The following MITF variants were observed in gnomAD, a reference collection of about 807,000 sequenced individuals.
MITF encodes melanocyte inducing transcription factor.
Under a neutral mutation model 60.5 loss-of-function variants are expected in MITF, and 17 were observed. The ratio of observed to expected loss-of-function variants is 0.28; its 90% CI spans 0.19 to 0.42. The LOEUF is 0.42. Ranked by LOEUF, MITF falls within the 10% of genes least tolerant of loss-of-function variation. The probability of loss-of-function intolerance (pLI) is 1.00; values close to 1 mark genes in which losing one functional copy is unlikely to be tolerated. For synonymous variants in MITF, 260 were observed against 248.5 expected, an observed-to-expected ratio of 1.05 and a Z score of -0.43; for missense variants, 622 against 683.5, an observed-to-expected ratio of 0.91 and a Z score of 1.00.
chr3:69,891,441 C>G (rs2064757144), intron 2 of MITF, among the ~76,000 whole-genome samples: 1 of 152,146 alleles, frequency 6.6e-6, no homozygotes, highest in South Asian at 2.1e-4. Context: ...TGCTCTGGAA[C>G]CTGTAGCCAC....
At chr3:69,953,954 C>T (rs1291654513) in intron 7 of MITF, among the ~76,000 whole-genome samples, 1 of 152,032 alleles carries the variant, frequency 6.6e-6, no homozygotes. Flanking sequence ...GCTTGGGAGA[C>T]AATCTAGACA....
At chr3:69,931,315 C>T (rs2065717496) in intron 2 of MITF, among the ~76,000 whole-genome samples, 1 of 152,000 alleles carries the variant, frequency 6.6e-6, no homozygotes, top group South Asian at 2.1e-4. Context: ...GAGATAAAAC[C>T]ACATGTTCTT....
chr3:69,936,793 A>G, intron 2 of MITF: 2 of 1,580,988 alleles, frequency 1.3e-6, no homozygotes, highest in Non-Finnish European at 1.7e-6. Context: ...TCTTTGAAAT[A>G]TAATGCAATA....
chr3:69,903,601 A>G (rs1212189716), intron 2 of MITF, among the ~76,000 whole-genome samples: 2 of 152,142 alleles, frequency 1.3e-5, no homozygotes, highest in Non-Finnish European at 2.9e-5. Flanking sequence ...GCCAAGCAAC[A>G]GCCTTGTCAC....
chr3:69,815,381 C>A (rs1033226097), intron 1 of MITF, among the ~76,000 whole-genome samples: 1 of 152,088 alleles, frequency 6.6e-6, no homozygotes. Context: ...TCTGCCACTT[C>A]GGAGTCTGCA....
At chr3:69,938,387 GGGA>G (rs1343560879) in intron 3 of MITF, 1 of 1,563,250 alleles carries the variant, frequency 6.4e-7, no homozygotes, top group East Asian at 2.4e-5. Context: ...AGAGGAGAAG[GGGA>G]GGTGGAAAAG....
At chr3:69,853,826 T>C (rs991423989) in intron 1 of MITF, among the ~76,000 whole-genome samples, 1 of 152,006 alleles carries the variant, frequency 6.6e-6, no homozygotes, top group Non-Finnish European at 1.5e-5. Context: ...TGATGCATTG[T>C]GTTAATATTA....
At chr3:69,790,427 A>T (rs541555571) in intron 1 of MITF, among the ~76,000 whole-genome samples, 1 of 152,340 alleles carries the variant, frequency 6.6e-6, no homozygotes, top group Admixed American at 6.5e-5. Flanking sequence ...TGTGAATGTA[A>T]TTAACATCAA....
chr3:69,783,010 T>C (rs1022324757), intron 1 of MITF, among the ~76,000 whole-genome samples: 2 of 152,192 alleles, frequency 1.3e-5, no homozygotes, highest in African/African-American at 4.8e-5. Flanking sequence ...TCATCTAATT[T>C]TTACTGCTTT....
chr3:69,863,651 T>C (rs2064057630), intron 1 of MITF, among the ~76,000 whole-genome samples: 1 of 152,226 alleles, frequency 6.6e-6, no homozygotes, highest in Non-Finnish European at 1.5e-5. Flanking sequence ...TGTACCCGAG[T>C]GCCTTGTAGG....
At chr3:69,747,201 G>T (rs1288171766) in intron 1 of MITF, among the ~76,000 whole-genome samples, 2 of 152,218 alleles carry the variant, frequency 1.3e-5, no homozygotes, top group African/African-American at 4.8e-5. Flanking sequence ...CATACATCTT[G>T]GAGGTGGCGC....
intron 1 of MITF, among the ~76,000 whole-genome samples, chr3:69,878,874 TA>T (rs959428579): frequency 3.4e-3 from 492 of 143,120 alleles, no homozygotes; most frequent in African/African-American, 7.5e-3. Context: ...GCATAAAATG[TA>T]AAAAAAAAAA....
At chr3:69,953,624 T>G (rs2066313996) in intron 7 of MITF, among the ~76,000 whole-genome samples, 2 of 123,662 alleles carry the variant, frequency 1.6e-5, no homozygotes, top group South Asian at 5.2e-4. Flanking sequence ...TATATATATA[T>G]GTGTGTATAT....
At chr3:69,862,945 GT>G (rs1440678213) in intron 1 of MITF, among the ~76,000 whole-genome samples, 1 of 152,056 alleles carries the variant, frequency 6.6e-6, no homozygotes, top group Non-Finnish European at 1.5e-5. Context: ...TTCTTAGTCT[GT>G]GTTTAAACTT....
chr3:69,878,377 G>A (rs1393509725), intron 1 of MITF, among the ~76,000 whole-genome samples: 4 of 152,156 alleles, frequency 2.6e-5, no homozygotes, highest in African/African-American at 7.2e-5. Context: ...TTTGGGTAGA[G>A]TGAGTACCAA....
chr3:69,966,233 C>T lies in MITF; in HGVS notation c.*985C>T. The T allele has an allele frequency of 4.3e-6, 1 of 232,318 alleles. No homozygotes were observed. The highest frequency in any genetic ancestry group is 2.2e-5 in the African/African-American group (1 of 45,222). The allele number at this position is 232,318 out of a possible 1,614,324, so 14.4% of individuals were successfully genotyped here. A position where few individuals can be genotyped will look rare whatever the true frequency, so the allele number is the denominator to read the frequency against. ...ATTTGTATTAATTTGTAAGAATATG[C>T]ATCTTAAAATGGCAAGTTTTCCATA... On this transcript the variant is annotated 3_prime_UTR_variant, in exon 10 of 10. Coordinates refer to ENST00000352241, the MANE Select transcript of MITF (RefSeq NM_001354604.2).
intron 1 of MITF, among the ~76,000 whole-genome samples, chr3:69,867,711 A>G (rs1459277536): frequency 6.6e-6 from 1 of 152,184 alleles, no homozygotes; most frequent in Admixed American, 6.5e-5. Context: ...CTAATTTTTT[A>G]ATATTAATAA....
At chr3:69,779,651 CG>C (rs1413357937) in intron 1 of MITF, among the ~76,000 whole-genome samples, 1 of 151,732 alleles carries the variant, frequency 6.6e-6, no homozygotes, top group African/African-American at 2.4e-5. Context: ...TAAAAATTCA[CG>C]GAAACTTAAT....
At chr3:69,758,116 T>A (rs2062157506) in intron 1 of MITF, among the ~76,000 whole-genome samples, 1 of 139,096 alleles carries the variant, frequency 7.2e-6, no homozygotes. Context: ...ATATATCATA[T>A]GCACACACAC....
Sources: allele counts gnomAD v4.1 joint callset (sites outside exome capture counted in the v4.1 genomes callset), GRCh38; gene constraint gnomAD v4.1.1; transcripts MANE v1.5; gene names NCBI Gene and HGNC (gene_info 2026-07-23, HGNC 2026-07-21).